NXPH1: variants seen among roughly 807,000 people sequenced by gnomAD.
NXPH1 encodes neurexophilin-1.
A neutral mutation model predicts 23.7 loss-of-function variants in NXPH1; 5 were observed. The observed-to-expected ratio is 0.21, with a 90% CI of 0.11 to 0.44. NXPH1 has a LOEUF of 0.44. Ranked by LOEUF, NXPH1 falls within the 20% of genes least tolerant of loss-of-function variation. NXPH1 has a pLI of 0.99. For synonymous variants in NXPH1, 144 were observed against 122.2 expected, an observed-to-expected ratio of 1.18 and a Z score of -1.18; for missense variants, 324 against 321.6, an observed-to-expected ratio of 1.01 and a Z score of -0.06.
intron 2 of NXPH1, among the ~76,000 whole-genome samples, chr7:8,456,706 T>A (rs1165655604): frequency 6.6e-6 from 1 of 152,190 alleles, no homozygotes; most frequent in Non-Finnish European, 1.5e-5. Flanking sequence ...CATAACTTTT[T>A]ACATCCAAAT....
intron 2 of NXPH1, among the ~76,000 whole-genome samples, chr7:8,695,795 C>G (rs1363106129): frequency 6.6e-6 from 1 of 152,134 alleles, no homozygotes; most frequent in African/African-American, 2.4e-5. Context: ...GAATTTTAAT[C>G]AATAGGAAGC....
chr7:8,718,805 A>C (rs1779918597), intron 2 of NXPH1, among the ~76,000 whole-genome samples: 1 of 152,220 alleles, frequency 6.6e-6, no homozygotes, highest in Non-Finnish European at 1.5e-5. Context: ...TAAGTGGCAC[A>C]TTCAGTCCTT....
chr7:8,598,285 C>T (rs79277124), intron 2 of NXPH1, among the ~76,000 whole-genome samples: 5,366 of 152,194 alleles, frequency 0.035, 207 homozygotes, highest in East Asian at 0.16. Flanking sequence ...CTTAAGAAGC[C>T]AGTAGGCCTG....
At chr7:8,476,191 T>A (rs1424097343) in intron 2 of NXPH1, among the ~76,000 whole-genome samples, 1 of 152,188 alleles carries the variant, frequency 6.6e-6, no homozygotes, top group African/African-American at 2.4e-5. Context: ...TTCCCTATTC[T>A]GTGTGTATTT....
chr7:8,713,945 A>G (rs1330694150), intron 2 of NXPH1, among the ~76,000 whole-genome samples: 4 of 152,182 alleles, frequency 2.6e-5, no homozygotes, highest in Non-Finnish European at 5.9e-5. Context: ...GTCTTGCTCA[A>G]GGCCCCGGCA....
chr7:8,709,385 G>T (rs1333325566), intron 2 of NXPH1, among the ~76,000 whole-genome samples: 2 of 152,156 alleles, frequency 1.3e-5, no homozygotes, highest in African/African-American at 2.4e-5. Flanking sequence ...TGAGTATAAA[G>T]AAATAAAACC....
At chr7:8,658,332 A>G (rs2115159305) in intron 2 of NXPH1, among the ~76,000 whole-genome samples, 1 of 152,334 alleles carries the variant, frequency 6.6e-6, no homozygotes, top group South Asian at 2.1e-4. Flanking sequence ...TTAAGTGCTC[A>G]ACGAGTGTTT....
At chr7:8,501,739 T>C (rs1817438758) in intron 2 of NXPH1, among the ~76,000 whole-genome samples, 2 of 151,964 alleles carry the variant, frequency 1.3e-5, no homozygotes. Context: ...GCTTTATAAA[T>C]GAAGAAAATG....
intron 2 of NXPH1, among the ~76,000 whole-genome samples, chr7:8,698,515 T>C (rs1027216797): frequency 6.6e-6 from 1 of 152,320 alleles, no homozygotes; most frequent in South Asian, 2.1e-4. Flanking sequence ...GATTGCTCTA[T>C]GTATAGGTAT....
At chr7:8,603,517 AC>A (rs2128627926) in intron 2 of NXPH1, among the ~76,000 whole-genome samples, 1 of 152,098 alleles carries the variant, frequency 6.6e-6, no homozygotes, top group African/African-American at 2.4e-5. Flanking sequence ...TTTGCTTAAG[AC>A]CCCTCAAGTC....
intron 2 of NXPH1, among the ~76,000 whole-genome samples, chr7:8,587,294 CTT>C (rs3084542): frequency 0.29 from 42,966 of 147,246 alleles, 6,936 homozygotes; most frequent in African/African-American, 0.44. Context: ...GATTTTTAAA[CTT>C]TTTTTTTTTT....
intron 2 of NXPH1, among the ~76,000 whole-genome samples, chr7:8,680,685 T>C (rs990880505): frequency 6.6e-6 from 1 of 152,216 alleles, no homozygotes; most frequent in Non-Finnish European, 1.5e-5. Flanking sequence ...TGTAGAATTA[T>C]TATGCAATGA....
At chr7:8,468,714 G>A (rs1359009818) in intron 2 of NXPH1, among the ~76,000 whole-genome samples, 1 of 151,996 alleles carries the variant, frequency 6.6e-6, no homozygotes, top group East Asian at 1.9e-4. Flanking sequence ...GCTTGCAGGT[G>A]ACTGATTGAA....
At chr7:8,567,185 C>A (rs1340114286) in intron 2 of NXPH1, among the ~76,000 whole-genome samples, 1 of 151,830 alleles carries the variant, frequency 6.6e-6, no homozygotes. Context: ...ATTTTATCTC[C>A]CCCAAATAAC....
In NXPH1 at chr7:8,752,913, GA is replaced by G. The variant is rs35220037; in HGVS notation, c.*1150del. 1.4e-4 allele frequency: 21 copies of G among 152,370 alleles called. No homozygotes were observed. Among genetic ancestry groups the G allele is most frequent in the Admixed American group, 1.1e-3 (16 of 15,228 alleles). The allele number at this position is 152,370 out of a possible 1,614,324, so 9.4% of individuals were successfully genotyped here. On this transcript the variant is annotated 3_prime_UTR_variant, in exon 3 of 3. Transcript: ENST00000405863. Reference sequence around the variant, plus strand: ...TCTGTATTTAGATATTTTATTTCTGGAAAAAATGAAATGTACATAAAAATAA... The same window carrying G: ...TCTGTATTTAGATATTTTATTTCTGGAAAAATGAAATGTACATAAAAATAA...
intron 2 of NXPH1, among the ~76,000 whole-genome samples, chr7:8,714,145 C>T (rs1779841237): frequency 1.3e-5 from 2 of 152,238 alleles, no homozygotes; most frequent in Middle Eastern, 3.4e-3. Context: ...GTACTGAAAC[C>T]ACTACACAAA....
At position 8,751,194 on chromosome 7, in the gene NXPH1, C is replaced by T; in HGVS notation, c.241C>T (p.Pro81Ser). Reference sequence around the variant, plus strand: ...GGACCTGAGATATGACACCCCAGAACCTTATTCTGAGCAAGACCTCTGGGA... The same window carrying T: ...GGACCTGAGATATGACACCCCAGAATCTTATTCTGAGCAAGACCTCTGGGA... ...DLDLRYDTPE[P>S]YSEQDLWDWL... Residue 81 changes from proline to serine, a missense_variant, in exon 3 of 3, where the codon CCT becomes TCT. Pro to Ser is a moderately conservative substitution (Grantham distance 74, BLOSUM62 -1). Coordinates refer to ENST00000405863, the MANE Select transcript of NXPH1 (RefSeq NM_152745.3). This position sits in a 1 kb window ranked among gnomAD's most constrained non-coding sequence, Gnocchi z 4.5. 6.2e-7 allele frequency: 1 copy of T among 1,613,796 alleles called. No homozygotes were observed. Among genetic ancestry groups the T allele is most frequent in the Non-Finnish European group, 8.5e-7 (1 of 1,179,788 alleles).
chr7:8,476,248 C>T (rs544478138), intron 2 of NXPH1, among the ~76,000 whole-genome samples: 171 of 152,218 alleles, frequency 1.1e-3, no homozygotes, highest in African/African-American at 3.9e-3. Context: ...ACACTCTGAG[C>T]GGTGCAAGTG....
chr7:8,604,893 A>G (rs908316389), intron 2 of NXPH1, among the ~76,000 whole-genome samples: 1 of 152,134 alleles, frequency 6.6e-6, no homozygotes, highest in Non-Finnish European at 1.5e-5. Context: ...CATGTCATAG[A>G]GGGGATACAC....
Sources: allele counts gnomAD v4.1 joint callset (sites outside exome capture counted in the v4.1 genomes callset), GRCh38; gene constraint gnomAD v4.1.1; non-coding constraint Gnocchi (gnomAD v3.1); transcripts MANE v1.5; gene names NCBI Gene and HGNC (gene_info 2026-07-23, HGNC 2026-07-21).